The following YWHAE variants were observed in gnomAD, a reference collection of about 807,000 sequenced individuals.
YWHAE encodes 14-3-3 protein epsilon.
YWHAE carries 4 observed loss-of-function variants against 30.1 expected under a neutral mutation model. That is an observed-to-expected ratio of 0.13 (90% CI 0.07 to 0.30). YWHAE has a LOEUF of 0.30. Ranked by LOEUF, YWHAE falls within the 10% of genes least tolerant of loss-of-function variation. The pLI is 1.00. For synonymous variants in YWHAE, 118 were observed against 111.8 expected (o/e 1.06, Z -0.35); for missense variants, 121 against 315.9 (o/e 0.38, Z 4.68).
intron 2 of YWHAE, among the ~76,000 whole-genome samples, chr17:1,363,275 C>CT (rs1305661856): frequency 6.6e-6 from 1 of 151,942 alleles, no homozygotes; most frequent in Non-Finnish European, 1.5e-5. Context: ...CTTTTTCTTT[C>CT]TTTGATTCAG....
chr17:1,375,849 T>C (rs2073114123), intron 1 of YWHAE, among the ~76,000 whole-genome samples: 1 of 152,236 alleles, frequency 6.6e-6, no homozygotes, highest in Non-Finnish European at 1.5e-5. Flanking sequence ...TTCTTTCAAC[T>C]ATGTTGTTCA....
intron 4 of YWHAE, among the ~76,000 whole-genome samples, chr17:1,356,171 A>AACACACACACACACACACACACAC (rs71148473): frequency 2.1e-5 from 3 of 143,106 alleles, no homozygotes; most frequent in South Asian, 2.3e-4. Context: ...TCCGTCTAAA[A>AACACACACACACACACACACACAC]ACACACACAC....
intron 1 of YWHAE, among the ~76,000 whole-genome samples, chr17:1,381,019 A>T (rs185232275): frequency 6.6e-6 from 1 of 152,320 alleles, no homozygotes. Context: ...AGTAGGTATT[A>T]TAAGTAACGA....
At chr17:1,361,693 T>C (rs1009555816) in intron 3 of YWHAE, 1 of 497,852 alleles carries the variant, frequency 2.0e-6, no homozygotes, top group African/African-American at 2.0e-5. Context: ...GGGAATGGGA[T>C]AGGTCTCACA....
intron 1 of YWHAE, among the ~76,000 whole-genome samples, chr17:1,394,114 T>TAA (rs2073428523): frequency 6.6e-6 from 1 of 152,176 alleles, no homozygotes; most frequent in Non-Finnish European, 1.5e-5. Flanking sequence ...TGTACCGATC[T>TAA]AAAGGTCAGC....
chr17:1,399,808 C>T (rs35172388), intron 1 of YWHAE: 24,777 of 578,346 alleles, frequency 0.043, 698 homozygotes, highest in East Asian at 0.053. Flanking sequence ...TCCTCCACCC[C>T]GTCGCCCCGG....
At chr17:1,378,774 C>A (rs1938840531) in intron 1 of YWHAE, among the ~76,000 whole-genome samples, 1 of 152,190 alleles carries the variant, frequency 6.6e-6, no homozygotes, top group Non-Finnish European at 1.5e-5. Context: ...GGTGAAATCC[C>A]GTCTCTACTA....
chr17:1,397,508 A>G (rs1292467135), intron 1 of YWHAE, among the ~76,000 whole-genome samples: 1 of 152,228 alleles, frequency 6.6e-6, no homozygotes, highest in Admixed American at 6.5e-5. Flanking sequence ...GATACAAAGA[A>G]GTTTAGGCAC....
At chr17:1,368,076 C>A (rs1323681755) in intron 1 of YWHAE, among the ~76,000 whole-genome samples, 1 of 151,992 alleles carries the variant, frequency 6.6e-6, no homozygotes, top group Non-Finnish European at 1.5e-5. Context: ...CATGGTGACA[C>A]CCCGTCTCTA....
chr17:1,397,816 G>A (rs927880461), intron 1 of YWHAE, among the ~76,000 whole-genome samples: 2 of 152,124 alleles, frequency 1.3e-5, no homozygotes, highest in Admixed American at 6.6e-5. Flanking sequence ...TTTCCACTGA[G>A]TCCCTACCTT....
chr17:1,360,087 C>T (rs1012439565), intron 4 of YWHAE, among the ~76,000 whole-genome samples: 2 of 151,878 alleles, frequency 1.3e-5, no homozygotes, highest in African/African-American at 4.8e-5. Context: ...CTCAGCCTCC[C>T]GAGTAACTGG....
At chr17:1,348,917 C>G (rs886908930) in intron 5 of YWHAE, among the ~76,000 whole-genome samples, 2 of 149,942 alleles carry the variant, frequency 1.3e-5, no homozygotes, top group Non-Finnish European at 3.0e-5. Flanking sequence ...TCCCAGCTAC[C>G]AGGAAGGCTG....
chr17:1,360,024 G>A, intron 4 of YWHAE, among the ~76,000 whole-genome samples: 1 of 151,914 alleles, frequency 6.6e-6, no homozygotes, highest in African/African-American at 2.4e-5. Flanking sequence ...GTGTACTGGT[G>A]CAATCGAGGC....
chr17:1,361,880 TC>T, intron 3 of YWHAE, 21 bp downstream of exon 3: 1 of 1,504,682 alleles, frequency 6.6e-7, no homozygotes, highest in Non-Finnish European at 9.0e-7. Flanking sequence ...TCTTACATTT[TC>T]CCTTCTAGTA....
At chr17:1,379,223 G>A (rs1029229291) in intron 1 of YWHAE, among the ~76,000 whole-genome samples, 1 of 152,184 alleles carries the variant, frequency 6.6e-6, no homozygotes, top group Non-Finnish European at 1.5e-5. Context: ...ATGGCCTCAC[G>A]CCTGTAATCC....
chr17:1,397,683 G>C (rs546806974), intron 1 of YWHAE, among the ~76,000 whole-genome samples: 6 of 152,082 alleles, frequency 3.9e-5, no homozygotes, highest in Non-Finnish European at 8.8e-5. Flanking sequence ...TCTGTTTGGT[G>C]ACCAGAACTC....
intron 1 of YWHAE, among the ~76,000 whole-genome samples, chr17:1,365,398 G>A (rs1406843667): frequency 2.0e-5 from 3 of 152,138 alleles, no homozygotes; most frequent in Non-Finnish European, 2.9e-5. Context: ...GTCAGTTTAA[G>A]AGAAAGATTA....
rs1598243343 is a variant in YWHAE, at chr17:1,364,761, T to C, written c.264+98A>G. The C allele has an allele frequency of 6.7e-6, 9 of 1,339,540 alleles. No homozygotes were observed. In the East Asian group the frequency reaches 1.6e-4, roughly 24 times the overall value. The allele number at this position is 1,339,540 out of a possible 1,614,324, so 83.0% of individuals were successfully genotyped here. On this transcript the variant is annotated intron_variant, in intron 2 of 5. Transcript: ENST00000264335. ...TTATAACATACTGTAATACAAGTTA[T>C]ATGAATGTAGTCTCCTTTTCTCTCA...
At chr17:1,380,930 A>T (rs1442965559) in intron 1 of YWHAE, among the ~76,000 whole-genome samples, 1 of 152,044 alleles carries the variant, frequency 6.6e-6, no homozygotes, top group Admixed American at 6.6e-5. Flanking sequence ...CTTCTCTACA[A>T]TTCCTGTATT....
Sources: gnomAD v4.1 joint callset for allele counts (sites outside exome capture counted in the v4.1 genomes callset) on GRCh38, gnomAD v4.1.1 for gene constraint, MANE v1.5 for transcripts, NCBI Gene and HGNC (gene_info 2026-07-23, HGNC 2026-07-21) for gene names.